Variants in ARMC9 observed in about 807,000 individuals in gnomAD.
ARMC9 encodes the protein lisH domain-containing protein ARMC9.
ARMC9 carries 94 observed loss-of-function variants against 107.0 expected under a neutral mutation model. That is an observed-to-expected ratio of 0.88 (90% CI 0.74 to 1.04). The LOEUF (loss-of-function observed/expected upper bound fraction) is 1.04. Ranked by LOEUF, ARMC9 falls within the 50% of genes least tolerant of loss-of-function variation. The probability of loss-of-function intolerance (pLI) is 0.00; values close to 1 mark genes in which losing one functional copy is unlikely to be tolerated. For missense variants in ARMC9, 942 were observed against 1,030.1 expected (o/e 0.91, Z 1.17); for synonymous variants, 380 against 396.9 (o/e 0.96, Z 0.51).
At chr2:231,302,410 T>G (rs2041788985) in intron 19 of ARMC9, among the ~76,000 whole-genome samples, 1 of 149,866 alleles carries the variant, frequency 6.7e-6, no homozygotes, top group Non-Finnish European at 1.5e-5. Context: ...AACAAAATTT[T>G]ATGAAAAAGT....
chr2:231,240,013 A>G lies in ARMC9; in HGVS notation c.851A>G (p.His284Arg), dbSNP rs769363225. 6 of 1,613,878 alleles carry G rather than the reference A, an allele frequency of 3.7e-6. No homozygotes were observed. In the Admixed American group the frequency reaches 8.3e-5, roughly 22 times the overall value. ...FSNQMRQSLAHSVDFTRPGTA... is the reference protein window; with the variant it reads ...FSNQMRQSLARSVDFTRPGTA... ...AACCAGATGCGGCAGAGCCTGGCGC[A>G]TAGTGTGGACTTCACGAGGCCTGGG... is the stretch of plus-strand genomic sequence containing the variant. The change falls in exon 9 of 25, where the codon CAT becomes CGT. Residue 284 changes from histidine (H) to arginine (R), a missense_variant. His to Arg is a conservative substitution (Grantham distance 29). Transcript: ENST00000611582.
At chr2:231,267,823 G>A (rs892286358) in intron 12 of ARMC9, among the ~76,000 whole-genome samples, 4 of 152,098 alleles carry the variant, frequency 2.6e-5, no homozygotes, top group African/African-American at 4.8e-5. Context: ...CACGGGCAGC[G>A]TTTACTAAAA....
intron 20 of ARMC9, among the ~76,000 whole-genome samples, chr2:231,337,735 A>AT (rs2044231139): frequency 6.6e-6 from 1 of 152,074 alleles, no homozygotes; most frequent in African/African-American, 2.4e-5. Context: ...CAATGTCTAT[A>AT]TTCTTGTGCA....
At chr2:231,319,091 G>C (rs768545992) in intron 19 of ARMC9, among the ~76,000 whole-genome samples, 2 of 152,144 alleles carry the variant, frequency 1.3e-5, no homozygotes, top group African/African-American at 4.8e-5. Context: ...AAGGACCTTG[G>C]CTTCTATCCT....
At chr2:231,258,859 TG>T in intron 10 of ARMC9, 131 bp from the exon 11 acceptor site, 1 of 772,136 alleles carries the variant, frequency 1.3e-6, no homozygotes, top group Non-Finnish European at 2.1e-6. Flanking sequence ...GCCCTCCAAG[TG>T]GAAGCCGGGA....
Position 231,291,345 on chromosome 2 carries a change from ACTT to A in ARMC9, c.1627-5_1627-3del, listed in dbSNP as rs1287167825. The A allele has an allele frequency of 1.9e-6, 3 of 1,611,112 alleles. No homozygotes were observed. In the African/African-American group the frequency reaches 4.0e-5, roughly 22 times the overall value. Reference sequence around the variant, plus strand: ...AATGTTAACTATTACTTTCGCCAATACTTCTAGGGAATGGAAGACATCCTACGC... The same window carrying A: ...AATGTTAACTATTACTTTCGCCAATACTAGGGAATGGAAGACATCCTACGC... On this transcript the variant is annotated splice_polypyrimidine_tract_variant and splice_region_variant and intron_variant, in intron 17 of 24. Coordinates refer to ENST00000611582, the MANE Select transcript of ARMC9 (RefSeq NM_001352754.2).
intron 7 of ARMC9, among the ~76,000 whole-genome samples, chr2:231,228,486 G>A (rs1179288827): frequency 6.6e-6 from 1 of 152,194 alleles, no homozygotes; most frequent in Non-Finnish European, 1.5e-5. Context: ...TTGTGGTCTG[G>A]GCTTCCTCCA....
chr2:231,262,051 T>C (rs1401435459), intron 11 of ARMC9, among the ~76,000 whole-genome samples: 1 of 152,122 alleles, frequency 6.6e-6, no homozygotes, highest in Non-Finnish European at 1.5e-5. Context: ...CTTGATCTCT[T>C]GACCTCGTGA....
chr2:231,341,185 T>C (rs1387321071), intron 20 of ARMC9, among the ~76,000 whole-genome samples: 1 of 152,192 alleles, frequency 6.6e-6, no homozygotes, highest in Non-Finnish European at 1.5e-5. Context: ...GAGCAAGACC[T>C]TGTCTAAAAA....
rs544737089 is a variant in ARMC9, at chr2:231,239,941, A to G, written c.781-2A>G. ...CCAGATGTCTTTGTATCCTCCTTGC[A>G]GATCACCCCTGAGTACCTCCAGAGC... is the stretch of plus-strand genomic sequence containing the variant. On this transcript the variant is annotated splice_acceptor_variant, in intron 8 of 24. Coordinates refer to ENST00000611582, the MANE Select transcript of ARMC9 (RefSeq NM_001352754.2). LOFTEE classifies it high-confidence loss of function. 1 of 1,613,268 alleles carries G rather than the reference A, an allele frequency of 6.2e-7. No homozygotes were observed. Among genetic ancestry groups the G allele is most frequent in the Admixed American group, 1.7e-5 (1 of 60,008 alleles).
intron 17 of ARMC9, among the ~76,000 whole-genome samples, chr2:231,290,703 A>G (rs1255955185): frequency 6.6e-6 from 1 of 152,248 alleles, no homozygotes; most frequent in African/African-American, 2.4e-5. Context: ...GGGTATTATA[A>G]TAAACAATGT....
At chr2:231,248,611 A>G (rs560145439) in intron 9 of ARMC9, among the ~76,000 whole-genome samples, 1 of 152,130 alleles carries the variant, frequency 6.6e-6, no homozygotes, top group African/African-American at 2.4e-5. Context: ...GTTCGAGACC[A>G]GCCTGACCAA....
rs575729387 is a variant in ARMC9 at position 231,315,445 on chromosome 2, A to G, written c.1774-16348A>G. ...TCCCAGCTACTCAGGAGGCTGAGGCAGGAGAGCTGCTTGAACCTTGCAGGC... is the reference window on the plus strand; with the variant it reads ...TCCCAGCTACTCAGGAGGCTGAGGCGGGAGAGCTGCTTGAACCTTGCAGGC... On this transcript the variant is annotated intron_variant, in intron 19 of 24. Coordinates refer to ENST00000611582, the MANE Select transcript of ARMC9 (RefSeq NM_001352754.2). Among the ~76,000 whole-genome samples, 15 of 152,222 alleles carry G rather than the reference A, an allele frequency of 9.9e-5. No homozygotes were observed. In the East Asian group the frequency reaches 2.9e-3, roughly 29 times the overall value.
At chr2:231,272,861 A>G (rs2039455533) in intron 13 of ARMC9, 94 bp from the exon 14 acceptor site, 1 of 1,456,218 alleles carries the variant, frequency 6.9e-7, no homozygotes, top group African/African-American at 1.4e-5. Flanking sequence ...CTACTGTGTT[A>G]TATGCAAAGT....
intron 7 of ARMC9, among the ~76,000 whole-genome samples, chr2:231,227,171 A>G (rs1040328719): frequency 6.6e-6 from 1 of 152,202 alleles, no homozygotes; most frequent in Non-Finnish European, 1.5e-5. Flanking sequence ...TTTACCTTGA[A>G]CTAGTCAACT....
At chr2:231,283,706 A>G (rs748191788) in intron 17 of ARMC9, among the ~76,000 whole-genome samples, 3 of 152,206 alleles carry the variant, frequency 2.0e-5, no homozygotes, top group Non-Finnish European at 2.9e-5. Flanking sequence ...CCGAGATTAC[A>G]GATGTGAGCC....
chr2:231,252,399 G>A (rs1200333846), intron 9 of ARMC9, among the ~76,000 whole-genome samples: 3 of 152,054 alleles, frequency 2.0e-5, no homozygotes, highest in Admixed American at 6.6e-5. Context: ...ACAGGCGCCC[G>A]CCACCATGCC....
chr2:231,201,643 T>G (rs1262824752), intron 1 of ARMC9, among the ~76,000 whole-genome samples: 1 of 152,248 alleles, frequency 6.6e-6, no homozygotes, highest in Admixed American at 6.5e-5. Context: ...ACCCCACTGC[T>G]TCCTCACTGC....
intron 21 of ARMC9, among the ~76,000 whole-genome samples, chr2:231,355,078 C>G (rs1369217198): frequency 6.6e-6 from 1 of 152,244 alleles, no homozygotes; most frequent in Non-Finnish European, 1.5e-5. Context: ...GTGGCTCACA[C>G]CTGTAATCCC....
Sources: allele counts gnomAD v4.1 joint callset (sites outside exome capture counted in the v4.1 genomes callset), GRCh38; gene constraint gnomAD v4.1.1; transcripts MANE v1.5; gene names NCBI Gene and HGNC (gene_info 2026-07-23, HGNC 2026-07-21).